Variants in BCAS1 observed in about 807,000 individuals in gnomAD.
The protein encoded by BCAS1 is brain enriched myelin associated protein 1, also known as breast carcinoma-amplified sequence 1.
In BCAS1, 46 loss-of-function variants were observed where a neutral mutation model predicts 65.4. The ratio of observed to expected loss-of-function variants is 0.70; its 90% CI spans 0.55 to 0.90. BCAS1 has a LOEUF of 0.90. Ranked by LOEUF, BCAS1 falls within the 40% of genes least tolerant of loss-of-function variation. The pLI, the probability that BCAS1 is intolerant of heterozygous loss-of-function variation, is 0.00. For synonymous variants in BCAS1, 298 were observed against 293.5 expected (o/e 1.02, Z -0.16); for missense variants, 793 against 771.2 (o/e 1.03, Z -0.33).
intron 4 of BCAS1, among the ~76,000 whole-genome samples, chr20:54,006,543 C>G (rs1170709642): frequency 6.6e-6 from 1 of 152,098 alleles, no homozygotes; most frequent in Non-Finnish European, 1.5e-5. Flanking sequence ...AACCCCGCCT[C>G]TATTAAAAAT....
rs1411227545 is a variant in BCAS1, at chr20:53,943,668, A to C, written c.*1254T>G. ...CAGGGTCCTATTTACTCCTTTGTAC[A>C]GGTATTAAAAACAACTCAGGTATTT... On this transcript the variant is annotated 3_prime_UTR_variant, in exon 13 of 13. Coordinates refer to ENST00000688948, the MANE Select transcript of BCAS1 (RefSeq NM_001366298.2). 6.6e-6 allele frequency: 1 copy of C among 152,216 alleles called. No individual in the cohort carries two copies. Among genetic ancestry groups the C allele is most frequent in the East Asian group, 1.9e-4 (1 of 5,200 alleles). The allele number at this position is 152,216 out of a possible 1,614,324, so 9.4% of individuals were successfully genotyped here.
intron 6 of BCAS1, 121 bp downstream of exon 6, chr20:53,994,891 A>ACACACG (rs1280723237): frequency 6.2e-5 from 23 of 372,608 alleles, no homozygotes; most frequent in South Asian, 3.0e-4. Context: ...GATATGATAC[A>ACACACG]CACACACACA....
intron 9 of BCAS1, among the ~76,000 whole-genome samples, chr20:53,970,727 T>C (rs1246095509): frequency 3.9e-5 from 6 of 152,230 alleles, no homozygotes; most frequent in Non-Finnish European, 8.8e-5. Flanking sequence ...TATACCACAC[T>C]TATTCTTGAA....
chr20:54,060,111 G>T (rs1240631879), intron 1 of BCAS1, among the ~76,000 whole-genome samples: 2 of 152,224 alleles, frequency 1.3e-5, no homozygotes, highest in Non-Finnish European at 2.9e-5. Context: ...TCTAGAGCAA[G>T]ACTGCCTGGG....
intron 4 of BCAS1, among the ~76,000 whole-genome samples, chr20:54,009,450 C>T (rs1213611505): frequency 6.6e-6 from 1 of 152,012 alleles, no homozygotes; most frequent in Non-Finnish European, 1.5e-5. Context: ...ACCAATGCTA[C>T]CTACATAAAT....
At chr20:54,049,123 G>A (rs2092163894) in intron 3 of BCAS1, among the ~76,000 whole-genome samples, 2 of 152,158 alleles carry the variant, frequency 1.3e-5, no homozygotes, top group South Asian at 4.1e-4. Context: ...ATTGGCAAAT[G>A]CTTCTCTTCT....
In BCAS1 at chr20:53,944,786, G is replaced by A. The variant is rs1277640175; in HGVS notation, c.*136C>T. The A allele has an allele frequency of 1.7e-5, 14 of 840,066 alleles. No homozygotes were observed. Among genetic ancestry groups the A allele is most frequent in the East Asian group, 2.4e-5 (1 of 41,066 alleles). 52.0% of individuals were successfully genotyped at this position (840,066 alleles called of 1,614,324 possible). ...AATACACCTCAATATACAACAGCTC[G>A]GGCTTAATTTCTAGGCAGAATTTCA... On this transcript the variant is annotated 3_prime_UTR_variant, in exon 13 of 13. Coordinates refer to ENST00000688948, the MANE Select transcript of BCAS1 (RefSeq NM_001366298.2).
intron 4 of BCAS1, among the ~76,000 whole-genome samples, chr20:54,026,286 T>C (rs913335676): frequency 6.6e-6 from 1 of 152,000 alleles, no homozygotes; most frequent in East Asian, 1.9e-4. Flanking sequence ...CAAATCTCAT[T>C]TTGGAACACA....
intron 3 of BCAS1, among the ~76,000 whole-genome samples, chr20:54,046,173 T>C (rs2092100431): frequency 1.3e-5 from 2 of 152,346 alleles, no homozygotes; most frequent in South Asian, 4.1e-4. Context: ...TCTATGGCTG[T>C]GTAACAAGCA....
intron 4 of BCAS1, among the ~76,000 whole-genome samples, chr20:54,003,641 A>ACCAC (rs2145905234): frequency 6.6e-6 from 1 of 152,250 alleles, no homozygotes; most frequent in East Asian, 1.9e-4. Flanking sequence ...GAGTATTTTA[A>ACCAC]AAGTAACAAT....
intron 11 of BCAS1, among the ~76,000 whole-genome samples, chr20:53,955,044 G>T (rs1247859273): frequency 6.6e-6 from 1 of 152,344 alleles, no homozygotes; most frequent in East Asian, 1.9e-4. Flanking sequence ...GGATACATGT[G>T]TATAAGCATG....
At chr20:53,988,151 C>T (rs2090663049) in intron 7 of BCAS1, among the ~76,000 whole-genome samples, 1 of 152,110 alleles carries the variant, frequency 6.6e-6, no homozygotes, top group African/African-American at 2.4e-5. Context: ...GGCTTTGTAC[C>T]TTTTCTAAAT....
chr20:54,030,941 G>T (rs1370211474), intron 3 of BCAS1, among the ~76,000 whole-genome samples: 1 of 151,474 alleles, frequency 6.6e-6, no homozygotes, highest in African/African-American at 2.4e-5. Context: ...GCATCAGGGT[G>T]TAAAGTTAGC....
intron 1 of BCAS1, among the ~76,000 whole-genome samples, chr20:54,069,265 C>G (rs6123353): frequency 0.14 from 20,689 of 151,992 alleles, 1,848 homozygotes; most frequent in East Asian, 0.28. Context: ...GTAAGGGACA[C>G]CAAAAAGCTC....
intron 8 of BCAS1, among the ~76,000 whole-genome samples, chr20:53,982,936 A>G (rs2090518985): frequency 6.6e-6 from 1 of 152,144 alleles, no homozygotes; most frequent in Non-Finnish European, 1.5e-5. Flanking sequence ...TTTTCTTCTG[A>G]TTGGGTGCAA....
chr20:54,042,770 G>GA (rs1180666040), intron 3 of BCAS1, among the ~76,000 whole-genome samples: 3 of 152,206 alleles, frequency 2.0e-5, no homozygotes, highest in East Asian at 1.9e-4. Flanking sequence ...ATAATGAAAA[G>GA]AAAAAATGAA....
intron 4 of BCAS1, among the ~76,000 whole-genome samples, chr20:54,007,868 C>A (rs2091235814): frequency 6.6e-6 from 1 of 152,132 alleles, no homozygotes; most frequent in African/African-American, 2.4e-5. Context: ...TAAAAGGATT[C>A]TGAAAGGTGG....
At chr20:53,950,632 T>C (rs1781896480) in intron 12 of BCAS1, among the ~76,000 whole-genome samples, 1 of 152,262 alleles carries the variant, frequency 6.6e-6, no homozygotes, top group African/African-American at 2.4e-5. Context: ...ACTTATCTAC[T>C]AATACTTTTT....
chr20:54,049,829 C>T (rs890809360), intron 3 of BCAS1, among the ~76,000 whole-genome samples: 2 of 152,188 alleles, frequency 1.3e-5, no homozygotes, highest in Non-Finnish European at 2.9e-5. Flanking sequence ...ACAGATGAGA[C>T]TCAGAATAAA....
Sources: allele counts gnomAD v4.1 joint callset (sites outside exome capture counted in the v4.1 genomes callset), GRCh38; gene constraint gnomAD v4.1.1; transcripts MANE v1.5; gene names NCBI Gene and HGNC (gene_info 2026-07-23, HGNC 2026-07-21).